The following IMMP2L variants were observed in gnomAD, a reference collection of about 807,000 sequenced individuals.
IMMP2L encodes mitochondrial inner membrane protease subunit 2.
A neutral mutation model predicts 19.3 loss-of-function variants in IMMP2L; 18 were observed. That is an observed-to-expected ratio of 0.93 (90% CI 0.64 to 1.38). The LOEUF (loss-of-function observed/expected upper bound fraction) is 1.38. IMMP2L is among the 40% of genes most tolerant of loss of function. The pLI is 0.00. For missense variants in IMMP2L, 233 were observed against 218.2 expected, an observed-to-expected ratio of 1.07 and a Z score of -0.43; for synonymous variants, 76 against 73.0, an observed-to-expected ratio of 1.04 and a Z score of -0.21.
In IMMP2L at chr7:111,021,087, T is replaced by C. The variant is rs376672611; in HGVS notation, c.240-57522A>G. ...ACAACATAATTAATAAATTAGTAAATAGTAACCACACTATTCAGAATAACA... is the reference window on the plus strand; with the variant it reads ...ACAACATAATTAATAAATTAGTAAACAGTAACCACACTATTCAGAATAACA... On this transcript the variant is annotated intron_variant, in intron 3 of 5. Transcript: ENST00000405709. Among the ~76,000 whole-genome samples the C allele has an allele frequency of 1.5e-4, 23 of 152,286 alleles. No individual in the cohort carries two copies. The East Asian group carries it at 2.9e-3, about 19-fold the overall frequency.
intron 3 of IMMP2L, among the ~76,000 whole-genome samples, chr7:111,350,628 A>C (rs1282708873): frequency 6.6e-6 from 1 of 152,082 alleles, no homozygotes; most frequent in Non-Finnish European, 1.5e-5. Context: ...TCGTGTATTG[A>C]TTCAGAGAAG....
intron 5 of IMMP2L, among the ~76,000 whole-genome samples, chr7:110,865,057 C>A (rs1167500189): frequency 6.6e-6 from 1 of 151,978 alleles, no homozygotes; most frequent in Non-Finnish European, 1.5e-5. Flanking sequence ...TTTAACTATT[C>A]TTACCCACTT....
chr7:111,389,674 C>T (rs1409686723), intron 3 of IMMP2L, among the ~76,000 whole-genome samples: 2 of 151,986 alleles, frequency 1.3e-5, no homozygotes, highest in African/African-American at 4.8e-5. Context: ...CATATCAGTT[C>T]TTTGTACTAT....
intron 3 of IMMP2L, among the ~76,000 whole-genome samples, chr7:111,444,317 A>G (rs915594559): frequency 6.6e-6 from 1 of 152,168 alleles, no homozygotes; most frequent in Non-Finnish European, 1.5e-5. Flanking sequence ...TGCACATAAC[A>G]AGAAAGATGG....
At chr7:111,353,394 C>CTCTTTGGCTAATT (rs1432311141) in intron 3 of IMMP2L, among the ~76,000 whole-genome samples, 1 of 152,154 alleles carries the variant, frequency 6.6e-6, no homozygotes, top group Non-Finnish European at 1.5e-5. Flanking sequence ...GATCATCTCA[C>CTCTTTGGCTAATT]TCTTTGGCTA....
At chr7:111,218,141 G>C (rs1339896826) in intron 3 of IMMP2L, among the ~76,000 whole-genome samples, 1 of 151,964 alleles carries the variant, frequency 6.6e-6, no homozygotes, top group Non-Finnish European at 1.5e-5. Flanking sequence ...GAATTGTTTA[G>C]CTTAGCATTT....
In IMMP2L at chr7:111,363,009, T is replaced by C. The variant is rs1206970844; in HGVS notation, c.239+124229A>G. The stretch of plus-strand genomic sequence containing the variant: ...TATGTGCAACCTTGGCAAACAATCA[T>C]ATACAAATTTGAAGACCTCAAATCT... On this transcript the variant is annotated intron_variant, in intron 3 of 5. Transcript: ENST00000405709. 2.0e-5 allele frequency among the ~76,000 whole-genome samples: 3 copies of C among 152,106 alleles called. 1 individual carries two copies. The highest frequency in any genetic ancestry group is 4.4e-5 in the Non-Finnish European group (3 of 68,016).
At position 111,521,353 on chromosome 7, in the gene IMMP2L, C is replaced by T. The variant is rs761147215; in HGVS notation, c.95G>A (p.Arg32Gln). The change falls in exon 2 of 6, where the codon CGG becomes CAG. Residue 32 changes from arginine to glutamine, a missense_variant. Arg to Gln is a conservative substitution (Grantham distance 43). Transcript: ENST00000405709. The stretch of plus-strand genomic sequence containing the variant: ...TTCTACTCTTGCCACACAGGCGACC[C>T]GATCCAAGAAAGTCACTGCCACAGG... ...AVPVAVTFLD[R>Q]VACVARVEGA... 2.0e-5 allele frequency: 32 copies of T among 1,613,060 alleles called. No homozygotes were observed. The highest frequency in any genetic ancestry group is 2.5e-5 in the Non-Finnish European group (29 of 1,179,430).
chr7:111,310,155 A>C (rs1251122319), intron 3 of IMMP2L, among the ~76,000 whole-genome samples: 10 of 151,728 alleles, frequency 6.6e-5, no homozygotes, highest in Non-Finnish European at 1.2e-4. Context: ...GAATCGCTTG[A>C]ACCCGGGAGG....
intron 3 of IMMP2L, among the ~76,000 whole-genome samples, chr7:111,378,469 T>G (rs1184086220): frequency 6.6e-6 from 1 of 151,974 alleles, no homozygotes; most frequent in East Asian, 1.9e-4. Flanking sequence ...TTATTAGTAC[T>G]TACTAAATCT....
chr7:110,948,453 A>C (rs1190538672), intron 4 of IMMP2L, among the ~76,000 whole-genome samples: 1 of 152,230 alleles, frequency 6.6e-6, no homozygotes, highest in East Asian at 1.9e-4. Context: ...GGTCCAGCAC[A>C]GTCAGAGCAA....
chr7:111,081,057 A>G (rs1241747434), intron 3 of IMMP2L, among the ~76,000 whole-genome samples: 1 of 152,226 alleles, frequency 6.6e-6, no homozygotes, highest in African/African-American at 2.4e-5. Context: ...TTGATAGGAT[A>G]AGTATTTGTG....
intron 5 of IMMP2L, among the ~76,000 whole-genome samples, chr7:110,741,334 A>AT (rs2130868302): frequency 6.6e-6 from 1 of 152,398 alleles, no homozygotes; most frequent in Admixed American, 6.5e-5. Flanking sequence ...AAATTGATGA[A>AT]TAAAAACAAC....
At chr7:111,502,475 A>G (rs1026705330) in intron 2 of IMMP2L, among the ~76,000 whole-genome samples, 15 of 152,306 alleles carry the variant, frequency 9.8e-5, no homozygotes, top group Middle Eastern at 3.4e-3. Context: ...CATACCTAAT[A>G]GACATCTACA....
chr7:111,039,131 C>A (rs550975851), intron 3 of IMMP2L, among the ~76,000 whole-genome samples: 1 of 152,206 alleles, frequency 6.6e-6, no homozygotes, highest in South Asian at 2.1e-4. Flanking sequence ...AGCCTGATCT[C>A]ATATCTTTCA....
intron 5 of IMMP2L, among the ~76,000 whole-genome samples, chr7:110,832,049 G>A (rs1804019490): frequency 6.6e-6 from 1 of 152,164 alleles, no homozygotes. Flanking sequence ...GGATCACGAG[G>A]TCAGGAGATC....
intron 3 of IMMP2L, among the ~76,000 whole-genome samples, chr7:111,478,999 G>A (rs1373962831): frequency 6.6e-6 from 1 of 152,140 alleles, no homozygotes; most frequent in Non-Finnish European, 1.5e-5. Flanking sequence ...TTTGATTTTT[G>A]TAAGTAGTGG....
At chr7:111,064,207 C>T (rs1433817305) in intron 3 of IMMP2L, among the ~76,000 whole-genome samples, 2 of 152,158 alleles carry the variant, frequency 1.3e-5, no homozygotes, top group African/African-American at 4.8e-5. Context: ...TTTAAACCAT[C>T]AGATCTCATG....
At chr7:111,435,521 CA>C (rs1315397050) in intron 3 of IMMP2L, among the ~76,000 whole-genome samples, 1 of 151,472 alleles carries the variant, frequency 6.6e-6, no homozygotes, top group African/African-American at 2.4e-5. Context: ...CTGCAGACTC[CA>C]AAAGGTGGGA....
Sources: gnomAD v4.1 joint callset for allele counts (sites outside exome capture counted in the v4.1 genomes callset) on GRCh38, gnomAD v4.1.1 for gene constraint, MANE v1.5 for transcripts, NCBI Gene and HGNC (gene_info 2026-07-23, HGNC 2026-07-21) for gene names.